FREM1: variants seen among roughly 807,000 people sequenced by gnomAD.
FREM1 encodes FRAS1 related extracellular matrix 1, also known as FRAS1-related extracellular matrix protein 1.
A neutral mutation model predicts 210.1 loss-of-function variants in FREM1; 220 were observed. The observed-to-expected ratio is 1.05, with a 90% CI of 0.94 to 1.17. The LOEUF is 1.17. Ranked by LOEUF, FREM1 falls within the 50% of genes most tolerant of loss-of-function variation. FREM1 has a pLI of 0.00. For missense variants in FREM1, 3,454 were observed against 2,675.5 expected (o/e 1.29, Z -6.42); for synonymous variants, 1,189 against 980.2 (o/e 1.21, Z -3.98).
intron 29 of FREM1, among the ~76,000 whole-genome samples, chr9:14,750,562 C>T (rs1563830751): frequency 6.6e-6 from 1 of 152,202 alleles, no homozygotes; most frequent in African/African-American, 2.4e-5. Context: ...AGATCCAAGA[C>T]TTAATTATTT....
chr9:14,788,786 T>G (rs974739997), intron 23 of FREM1, 133 bp downstream of exon 23: 1 of 746,608 alleles, frequency 1.3e-6, no homozygotes, highest in Non-Finnish European at 2.2e-6. Context: ...ACACAAATGA[T>G]AGAATTTCAA....
intron 10 of FREM1, among the ~76,000 whole-genome samples, chr9:14,829,098 CACA>C (rs1478003910): frequency 2.6e-5 from 4 of 152,276 alleles, no homozygotes; most frequent in Admixed American, 2.0e-4. Flanking sequence ...TCTGTATCTC[CACA>C]ACATCTAGCA....
intron 27 of FREM1, among the ~76,000 whole-genome samples, chr9:14,768,155 A>G (rs1846793838): frequency 6.6e-6 from 1 of 152,130 alleles, no homozygotes; most frequent in Non-Finnish European, 1.5e-5. Flanking sequence ...TACTGGGGGA[A>G]GAAAATCCTC....
intron 4 of FREM1, among the ~76,000 whole-genome samples, chr9:14,858,085 C>T (rs10511599): frequency 0.058 from 8,845 of 152,190 alleles, 322 homozygotes; most frequent in East Asian, 0.13. Flanking sequence ...CCAGTCTTTC[C>T]TTTACAGAAT....
intron 10 of FREM1, among the ~76,000 whole-genome samples, chr9:14,825,561 A>ATATATATATATATATATATATG (rs757382702): frequency 3.1e-5 from 4 of 129,236 alleles, no homozygotes; most frequent in African/African-American, 9.4e-5. Flanking sequence ...ATATATATAT[A>ATATATATATATATATATATATG]TATATATATA....
At chr9:14,743,750 G>C (rs1841951610) in intron 35 of FREM1, among the ~76,000 whole-genome samples, 1 of 152,026 alleles carries the variant, frequency 6.6e-6, no homozygotes, top group South Asian at 2.1e-4. Context: ...TTTGGCTGGA[G>C]TATAACTACT....
Position 14,766,942 on chromosome 9 carries a change from T to A in FREM1, c.5204+2782A>T, listed in dbSNP as rs137951226. Reference sequence around the variant, plus strand: ...AAATGTTTCCGGGATACTTCTTCAGTCAATTATTGTACCTACATGAATTAA... The same window carrying A: ...AAATGTTTCCGGGATACTTCTTCAGACAATTATTGTACCTACATGAATTAA... On this transcript the variant is annotated intron_variant, in intron 27 of 36. Coordinates refer to ENST00000380880, the MANE Select transcript of FREM1 (RefSeq NM_001379081.2). 3.9e-3 allele frequency among the ~76,000 whole-genome samples: 590 copies of A among 152,344 alleles called. 4 individuals carry two copies. The highest frequency in any genetic ancestry group is 0.014 in the African/African-American group (566 of 41,586).
intron 29 of FREM1, among the ~76,000 whole-genome samples, chr9:14,751,224 T>C (rs1843316587): frequency 6.6e-6 from 1 of 152,238 alleles, no homozygotes; most frequent in South Asian, 2.1e-4. Flanking sequence ...AGTAAACTTA[T>C]CGATTTAACT....
chr9:14,908,469 A>G (rs1818169355), intron 1 of FREM1, among the ~76,000 whole-genome samples: 1 of 152,216 alleles, frequency 6.6e-6, no homozygotes. Context: ...ATGTGAAAGC[A>G]GGGAACATGG....
intron 18 of FREM1, among the ~76,000 whole-genome samples, chr9:14,805,974 T>C (rs775980372): frequency 6.6e-6 from 1 of 152,218 alleles, no homozygotes; most frequent in Non-Finnish European, 1.5e-5. Flanking sequence ...TTTCCACCAA[T>C]ATCTATTCAA....
intron 17 of FREM1, among the ~76,000 whole-genome samples, chr9:14,807,580 C>G (rs553377853): frequency 2.0e-5 from 3 of 152,202 alleles, no homozygotes; most frequent in South Asian, 4.2e-4. Context: ...ATAAATTACT[C>G]TCTCTTCAGC....
chr9:14,870,030 A>G (rs1832301941), intron 1 of FREM1, among the ~76,000 whole-genome samples: 1 of 152,238 alleles, frequency 6.6e-6, no homozygotes, highest in Non-Finnish European at 1.5e-5. Flanking sequence ...GTGTTCCATA[A>G]GAAATGAAAA....
At chr9:14,811,011 G>A (rs10217611) in intron 16 of FREM1, among the ~76,000 whole-genome samples, 18,378 of 152,154 alleles carry the variant, frequency 0.12, 1,137 homozygotes, top group South Asian at 0.15. Flanking sequence ...AGAAGCAAGA[G>A]AAGGGCCAGA....
At chr9:14,811,438 T>C (rs1819386526) in intron 16 of FREM1, among the ~76,000 whole-genome samples, 1 of 152,154 alleles carries the variant, frequency 6.6e-6, no homozygotes, top group South Asian at 2.1e-4. Flanking sequence ...CAATCATTGG[T>C]CTTTGGATCC....
At chr9:14,786,881 G>A (rs1029552814) in intron 23 of FREM1, among the ~76,000 whole-genome samples, 3 of 152,150 alleles carry the variant, frequency 2.0e-5, no homozygotes, top group Non-Finnish European at 2.9e-5. Flanking sequence ...TGAATTAGGT[G>A]GGGGAAACAC....
Position 14,769,788 on chromosome 9 carries a change from C to T in FREM1, c.5140G>A (p.Val1714Ile), listed in dbSNP as rs1231705893. 6.8e-6 allele frequency: 11 copies of T among 1,610,102 alleles called. No individual in the cohort carries two copies. Among genetic ancestry groups the T allele is most frequent in the Non-Finnish European group, 8.5e-6 (10 of 1,176,926 alleles). The stretch of plus-strand genomic sequence containing the variant: ...TGAAATTCCACGGTATCTGAATTTA[C>T]TTCCAAAGATGGGTTTATGATGTAA... Reference protein sequence around the residue: ...ILYIINPSLEVNSDTVEFQIM... With the variant: ...ILYIINPSLEINSDTVEFQIM... Residue 1714 changes from valine (V) to isoleucine (I), a missense_variant, in exon 27 of 37, where the codon GTA becomes ATA. Coordinates refer to ENST00000380880, the MANE Select transcript of FREM1 (RefSeq NM_001379081.2).
intron 14 of FREM1, among the ~76,000 whole-genome samples, chr9:14,817,303 C>T (rs902370975): frequency 1.3e-5 from 2 of 152,146 alleles, no homozygotes; most frequent in East Asian, 1.9e-4. Flanking sequence ...CTAATCCTTC[C>T]GCCTGTGCTC....
Position 14,824,971 on chromosome 9 carries a change from G to A in FREM1, c.1903C>T (p.Pro635Ser). ...VPQVATIHIT[P>S]VDDQLPKEAP... is the part of the protein sequence containing the mutation. ...TCTTTTGGAAGCTGGTCATCCACTG[G>A]AGTTATATGGATTGTTGCCACCTGG... The change falls in exon 11 of 37, where the codon CCA becomes TCA. Residue 635 changes from proline (P) to serine (S), a missense_variant. Coordinates refer to ENST00000380880, the MANE Select transcript of FREM1 (RefSeq NM_001379081.2). The A allele has an allele frequency of 6.3e-7, 1 of 1,589,872 alleles. No homozygotes were observed.
At chr9:14,909,610 G>T (rs572571570) in intron 1 of FREM1, among the ~76,000 whole-genome samples, 7 of 152,296 alleles carry the variant, frequency 4.6e-5, no homozygotes, top group African/African-American at 1.7e-4. Flanking sequence ...TAATTTCAGA[G>T]GAAACAATTA....
Sources: gnomAD v4.1 joint callset for allele counts (sites outside exome capture counted in the v4.1 genomes callset) on GRCh38, gnomAD v4.1.1 for gene constraint, MANE v1.5 for transcripts, NCBI Gene and HGNC (gene_info 2026-07-23, HGNC 2026-07-21) for gene names.